The following CDH4 variants were observed in gnomAD, a reference collection of about 807,000 sequenced individuals.
CDH4 encodes cadherin-4.
Under a neutral mutation model 86.0 loss-of-function variants are expected in CDH4, and 33 were observed. The ratio of observed to expected loss-of-function variants is 0.38; its 90% CI spans 0.29 to 0.51. CDH4 has a LOEUF of 0.51. CDH4 is among the 20% of genes least tolerant of loss of function. The pLI, the probability that CDH4 is intolerant of heterozygous loss-of-function variation, is 0.86. For missense variants in CDH4, 1,114 were observed against 1,307.4 expected (o/e 0.85, Z 2.28); for synonymous variants, 555 against 549.4 (o/e 1.01, Z -0.14).
chr20:61,254,953 G>A lies in CDH4; in HGVS notation c.169+16G>A, dbSNP rs2084090361. The A allele has an allele frequency of 7.1e-7, 1 of 1,406,296 alleles. No homozygotes were observed. Among genetic ancestry groups the A allele is most frequent in the Non-Finnish European group, 1.0e-6 (1 of 990,412 alleles). 87.1% of individuals were successfully genotyped at this position (1,406,296 alleles called of 1,614,324 possible). A position where few individuals can be genotyped will look rare whatever the true frequency, so the allele number is the denominator to read the frequency against. On this transcript the variant is annotated intron_variant, in intron 2 of 15. Transcript: ENST00000614565. ...CTACTTCAAGGTAAGGCGGGGTGTG[G>A]AGGGGTGGGAGTGAATTGCTGCCAT...
chr20:61,419,343 G>A (rs1406857193), intron 2 of CDH4, among the ~76,000 whole-genome samples: 3 of 152,170 alleles, frequency 2.0e-5, no homozygotes, highest in Non-Finnish European at 4.4e-5. Flanking sequence ...CTGTTTCTGG[G>A]GACTATAAGG....
intron 4 of CDH4, among the ~76,000 whole-genome samples, chr20:61,838,552 C>T (rs540517070): frequency 3.9e-5 from 6 of 152,114 alleles, no homozygotes; most frequent in Non-Finnish European, 8.8e-5. Context: ...TGGCTCACAC[C>T]TGTAATCCCA....
rs2085773220 is a variant in CDH4 at position 61,510,701 on chromosome 20, T to A, written c.170-232862T>A. On this transcript the variant is annotated intron_variant, in intron 2 of 15. Transcript: ENST00000614565. The surrounding 1 kb of genome is among the most constrained non-coding windows in gnomAD (Gnocchi z 4.2). ...GATTATGAGGCGGGAAGGTGTGCCC[T>A]CCATTATATAGAGGAGGCAGGTTGA... 6.6e-6 allele frequency among the ~76,000 whole-genome samples: 1 copy of A among 152,126 alleles called. No individual in the cohort carries two copies. The highest frequency in any genetic ancestry group is 1.5e-5 in the Non-Finnish European group (1 of 68,004).
Position 61,395,590 on chromosome 20 carries a change from G to T in CDH4, c.169+140653G>T, listed in dbSNP as rs149981713. 6.5e-3 allele frequency among the ~76,000 whole-genome samples: 985 copies of T among 152,162 alleles called. 10 individuals carry two copies. The highest frequency in any genetic ancestry group is 0.022 in the African/African-American group (932 of 41,512). On this transcript the variant is annotated intron_variant, in intron 2 of 15. Transcript: ENST00000614565. ...AGCACAGGACTTTGAGACCAGCCTG[G>T]GCAACATGGTGAGACCCCATCTCTA...
In CDH4 at chr20:61,550,011, GCCCTGGCCTCCTTGTCCTGGCCT is replaced by G. The variant is rs548696326; in HGVS notation, c.170-193540_170-193518del. ...CCCATCCTCCCCGGGACTCACTGCA[GCCCTGGCCTCCTTGTCCTGGCCT>G]CCCTGGCCTCCCTGCCCCAACCTCC... On this transcript the variant is annotated intron_variant, in intron 2 of 15. Coordinates refer to ENST00000614565, the MANE Select transcript of CDH4 (RefSeq NM_001794.5). Among the ~76,000 whole-genome samples the G allele has an allele frequency of 1.6e-3, 236 of 152,194 alleles. 1 individual carries two copies. The highest frequency in any genetic ancestry group is 5.5e-3 in the African/African-American group (227 of 41,536).
chr20:61,274,072 G>C (rs1164791213), intron 2 of CDH4, among the ~76,000 whole-genome samples: 1 of 136,998 alleles, frequency 7.3e-6, no homozygotes, highest in Non-Finnish European at 1.6e-5. Context: ...GGAAGTACTG[G>C]GGGAGTACTG....
intron 2 of CDH4, among the ~76,000 whole-genome samples, chr20:61,465,300 T>A (rs967966218): frequency 1.8e-4 from 28 of 151,708 alleles, no homozygotes; most frequent in Non-Finnish European, 3.1e-4. Context: ...TTATGCATTT[T>A]AAAAAAAAGC....
intron 2 of CDH4, among the ~76,000 whole-genome samples, chr20:61,559,900 C>A (rs989222277): frequency 6.6e-6 from 1 of 152,154 alleles, no homozygotes; most frequent in Non-Finnish European, 1.5e-5. Context: ...GCGGTGTGCA[C>A]CAGCTGACCT....
intron 2 of CDH4, among the ~76,000 whole-genome samples, chr20:61,686,636 C>G (rs544294159): frequency 1.3e-4 from 18 of 139,016 alleles, no homozygotes. Flanking sequence ...TGCACATTCT[C>G]GTGTGCATTC....
In CDH4 at chr20:61,713,732, G is replaced by T. The variant is rs141887146; in HGVS notation, c.170-29831G>T. Among the ~76,000 whole-genome samples, 109 of 152,290 alleles carry T rather than the reference G, an allele frequency of 7.2e-4. 2 individuals are homozygous for T. In the South Asian group the frequency reaches 9.1e-3, roughly 13 times the overall value. ...TTCCCCATGTGAGCAGCGAGGGAGGGGGCTCCCCATGGGCCGCAGCACCAC... is the reference window on the plus strand; with the variant it reads ...TTCCCCATGTGAGCAGCGAGGGAGGTGGCTCCCCATGGGCCGCAGCACCAC... On this transcript the variant is annotated intron_variant, in intron 2 of 15. Transcript: ENST00000614565.
Position 61,417,992 on chromosome 20 carries a change from G to A in CDH4, c.169+163055G>A, listed in dbSNP as rs2085156075. ...GATGCTGCATTCGAGGCACAGAGAA[G>A]CCACCTGCTTCCTTAGACAGATCAC... On this transcript the variant is annotated intron_variant, in intron 2 of 15. Coordinates refer to ENST00000614565, the MANE Select transcript of CDH4 (RefSeq NM_001794.5). This position sits in a 1 kb window ranked among gnomAD's most constrained non-coding sequence, Gnocchi z 4.0. Among the ~76,000 whole-genome samples, 1 of 152,022 alleles carries A rather than the reference G, an allele frequency of 6.6e-6. No homozygotes were observed. The highest frequency in any genetic ancestry group is 1.5e-5 in the Non-Finnish European group (1 of 68,016).
intron 8 of CDH4, among the ~76,000 whole-genome samples, chr20:61,909,379 T>C (rs2054825575): frequency 3.3e-5 from 5 of 152,254 alleles, no homozygotes; most frequent in Admixed American, 3.3e-4. Flanking sequence ...GTTCCGCCCA[T>C]GTAAAGAAAA....
chr20:61,627,465 CT>C (rs1247368593), intron 2 of CDH4, among the ~76,000 whole-genome samples: 1 of 152,196 alleles, frequency 6.6e-6, no homozygotes, highest in Non-Finnish European at 1.5e-5. Context: ...ACCTCCACCC[CT>C]GGGGATGCCA....
At chr20:61,442,281 C>A (rs189367852) in intron 2 of CDH4, among the ~76,000 whole-genome samples, 130 of 152,322 alleles carry the variant, frequency 8.5e-4, no homozygotes, top group African/African-American at 2.9e-3. Flanking sequence ...AGGGCCGCAT[C>A]ACACCGGGTG....
chr20:61,637,176 G>A (rs2086956147), intron 2 of CDH4, among the ~76,000 whole-genome samples: 2 of 152,204 alleles, frequency 1.3e-5, no homozygotes, highest in South Asian at 4.1e-4. Flanking sequence ...AGAGTTGTAA[G>A]GATAGCACAG....
At chr20:61,467,919 C>T (rs559188536) in intron 2 of CDH4, among the ~76,000 whole-genome samples, 8 of 152,274 alleles carry the variant, frequency 5.3e-5, no homozygotes, top group Admixed American at 4.6e-4. Flanking sequence ...GGAAAGGACC[C>T]CAGTTAGAAT....
intron 2 of CDH4, among the ~76,000 whole-genome samples, chr20:61,588,990 A>G (rs1212768352): frequency 6.6e-6 from 1 of 152,178 alleles, no homozygotes; most frequent in Non-Finnish European, 1.5e-5. Context: ...AACATCGATA[A>G]TTGTTTTAGT....
chr20:61,338,420 A>G (rs922494397), intron 2 of CDH4, among the ~76,000 whole-genome samples: 14 of 152,260 alleles, frequency 9.2e-5, no homozygotes, highest in Middle Eastern at 3.4e-3. Context: ...CAGGAATGGA[A>G]GTGGAAGAGC....
At position 61,393,052 on chromosome 20, in the gene CDH4, T is replaced by C. The variant is rs1052488767; in HGVS notation, c.169+138115T>C. Among the ~76,000 whole-genome samples the C allele has an allele frequency of 6.6e-6, 1 of 152,154 alleles. No individual in the cohort carries two copies. Among genetic ancestry groups the C allele is most frequent in the African/African-American group, 2.4e-5 (1 of 41,432 alleles). Reference sequence around the variant, plus strand: ...GAGCAGCTGCGGGGCCCCTCGGTGATCAGGGCCGTTTATTTTCCTCCTAAT... The same window carrying C: ...GAGCAGCTGCGGGGCCCCTCGGTGACCAGGGCCGTTTATTTTCCTCCTAAT... On this transcript the variant is annotated intron_variant, in intron 2 of 15. Transcript: ENST00000614565. The surrounding 1 kb of genome is among the most constrained non-coding windows in gnomAD (Gnocchi z 4.3).
Sources: allele counts gnomAD v4.1 joint callset (sites outside exome capture counted in the v4.1 genomes callset), GRCh38; gene constraint gnomAD v4.1.1; non-coding constraint Gnocchi (gnomAD v3.1); transcripts MANE v1.5; gene names NCBI Gene and HGNC (gene_info 2026-07-23, HGNC 2026-07-21).